THOC2: variants seen among roughly 807,000 people sequenced by gnomAD.
THOC2 encodes THO complex 2.
A neutral mutation model predicts 128.4 loss-of-function variants in THOC2; 10 were observed. That is an observed-to-expected ratio of 0.08 (90% CI 0.05 to 0.13). The LOEUF (loss-of-function observed/expected upper bound fraction) is 0.13, where lower values mean the gene tolerates loss of function less well. Among genes scored for constraint, THOC2 ranks in the 10% least tolerant of loss-of-function variants. The pLI is 1.00. For synonymous variants in THOC2, 393 were observed against 396.9 expected (o/e 0.99, Z 0.12); for missense variants, 535 against 1,155.7 (o/e 0.46, Z 7.79).
intron 29 of THOC2, 42 bp from the exon 30 acceptor site, chrX:123,622,902 T>A (rs2047137523): frequency 9.9e-7 from 1 of 1,009,728 alleles, no homozygotes; most frequent in Admixed American, 2.8e-5. Flanking sequence ...CCCCTAAATG[T>A]AAATAAGCTA....
intron 8 of THOC2, among the ~76,000 whole-genome samples, chrX:123,676,759 A>T (rs1218304761): frequency 1.8e-5 from 2 of 111,538 alleles, no homozygotes; most frequent in Non-Finnish European, 3.8e-5. Flanking sequence ...CATGTAGGTG[A>T]GCCTTCTACC....
chrX:123,723,286 T>G (rs1449075463), intron 1 of THOC2, among the ~76,000 whole-genome samples: 1 of 111,822 alleles, frequency 8.9e-6, no homozygotes, highest in African/African-American at 3.3e-5. Flanking sequence ...TACAAAAAAT[T>G]TAAGTCTGAC....
chrX:123,732,354 G>C (rs773026546), intron 1 of THOC2, among the ~76,000 whole-genome samples: 1 of 112,835 alleles, frequency 8.9e-6, no homozygotes, highest in East Asian at 2.8e-4. Context: ...TCCCCACGGC[G>C]CTACGCGAGG....
rs1260615338 is a variant in THOC2 at position 123,626,015 on chromosome X, C to T, written c.2954G>A (p.Arg985Gln). 8.3e-7 allele frequency: 1 copy of T among 1,201,778 alleles called. No individual in the cohort carries two copies. The highest frequency in any genetic ancestry group is 1.1e-6 in the Non-Finnish European group (1 of 888,894). The change falls in exon 25 of 39, where the codon CGA becomes CAA. Residue 985 changes from arginine (R) to glutamine (Q), a missense_variant. This residue lies in a region of THOC2 where 90 missense variants were observed against 298.6 expected (regional missense o/e 0.30). Transcript: ENST00000245838. ...TKFLQLCIFP[R>Q]CIFSAIDAVY... Reference sequence around the variant, plus strand: ...AGCATCAATTGCTGAAAAAATACATCGAGGAAATATACACAGCTGTAGAAA... The same window carrying T: ...AGCATCAATTGCTGAAAAAATACATTGAGGAAATATACACAGCTGTAGAAA...
At chrX:123,694,945 C>T (rs1325749043) in intron 7 of THOC2, among the ~76,000 whole-genome samples, 5 of 112,255 alleles carry the variant, frequency 4.5e-5, no homozygotes, top group African/African-American at 1.3e-4. Flanking sequence ...CTGGGCATAG[C>T]GAGACCCCGT....
intron 7 of THOC2, among the ~76,000 whole-genome samples, chrX:123,687,983 A>G (rs1335077103): frequency 8.9e-6 from 1 of 112,247 alleles, no homozygotes; most frequent in Non-Finnish European, 1.9e-5. Context: ...TATAAAAGTG[A>G]TTCGAAAATA....
intron 38 of THOC2, chrX:123,601,636 TTG>T (rs1175593675): frequency 1.8e-5 from 2 of 110,647 alleles, no homozygotes; most frequent in African/African-American, 6.6e-5. Flanking sequence ...GATGAAATAT[TTG>T]TGTGTTTCTT....
In THOC2 at chrX:123,668,296, A is replaced by G; in HGVS notation, c.880T>C (p.Cys294Arg). Residue 294 changes from cysteine to arginine, a missense_variant, in exon 10 of 39, where the codon TGC (cysteine) becomes CGC (arginine). Transcript: ENST00000245838. ...TCTCGTTTGTGTTCATCCATAATGCAATTATCAGCCGGAAGAAGCTAAAAA... is the reference window on the plus strand; with the variant it reads ...TCTCGTTTGTGTTCATCCATAATGCGATTATCAGCCGGAAGAAGCTAAAAA... ...LYVHLLPADNCIMDEHKREIA... is the reference protein window; with the variant it reads ...LYVHLLPADNRIMDEHKREIA... 8.4e-7 allele frequency: 1 copy of G among 1,187,786 alleles called. No homozygotes were observed. Among genetic ancestry groups the G allele is most frequent in the Admixed American group, 2.3e-5 (1 of 42,817 alleles).
chrX:123,730,291 G>A lies in THOC2; in HGVS notation c.71+2661C>T, dbSNP rs770258163. Among the ~76,000 whole-genome samples the A allele has an allele frequency of 3.7e-5, 4 of 109,461 alleles. No homozygotes were observed. In the South Asian group the frequency reaches 1.2e-3, roughly 33 times the overall value. ...CCTCCCAGATTCAAGCGATTCTCCC[G>A]CCTCAGCCTCCTGAGTAGCTGGGAT... On this transcript the variant is annotated intron_variant, in intron 1 of 38. Transcript: ENST00000245838.
At chrX:123,608,323 C>T (rs1374217740) in intron 38 of THOC2, among the ~76,000 whole-genome samples, 1 of 106,290 alleles carries the variant, frequency 9.4e-6, no homozygotes, top group African/African-American at 3.5e-5. Flanking sequence ...ATCGCTTGAA[C>T]CCGAGAGGTA....
intron 15 of THOC2, among the ~76,000 whole-genome samples, chrX:123,643,743 A>C (rs950866701): frequency 1.2e-4 from 13 of 110,468 alleles, no homozygotes; most frequent in Non-Finnish European, 2.1e-4. Context: ...AAAAAAAAAA[A>C]AAAACAACAA....
At chrX:123,711,958 T>TAAAAAA (rs55916247) in intron 2 of THOC2, among the ~76,000 whole-genome samples, 1 of 46,841 alleles carries the variant, frequency 2.1e-5, no homozygotes, top group African/African-American at 9.0e-5. Context: ...CTGTCTACTT[T>TAAAAAA]AAAAAAAAAA....
chrX:123,683,341 A>T (rs762931068), intron 8 of THOC2, among the ~76,000 whole-genome samples: 11 of 111,043 alleles, frequency 9.9e-5, no homozygotes, highest in African/African-American at 2.6e-4. Flanking sequence ...GCTGGTCAAC[A>T]TATGAGTTGG....
At chrX:123,702,922 A>G (rs980512892) in intron 4 of THOC2, among the ~76,000 whole-genome samples, 1 of 111,405 alleles carries the variant, frequency 9.0e-6, no homozygotes, top group Admixed American at 9.6e-5. Context: ...AGTCACAGAA[A>G]TACTCCTTTT....
At position 123,648,062 on chromosome X, in the gene THOC2, T is replaced by G. The variant is rs137875572; in HGVS notation, c.1387-2687A>C. ...CTCCGGTCTGCAGCTCCCAACAAGA[T>G]CAACGAAGAAGGTGAATGATTTCTG... On this transcript the variant is annotated intron_variant, in intron 12 of 38. Coordinates refer to ENST00000245838, the MANE Select transcript of THOC2 (RefSeq NM_001081550.2). Among the ~76,000 whole-genome samples the G allele has an allele frequency of 1.9e-3, 210 of 110,094 alleles. 1 individual carries two copies. Among genetic ancestry groups the G allele is most frequent in the African/African-American group, 6.7e-3 (204 of 30,319 alleles).
At chrX:123,730,430 G>A (rs2052191299) in intron 1 of THOC2, among the ~76,000 whole-genome samples, 2 of 109,859 alleles carry the variant, frequency 1.8e-5, no homozygotes, top group Admixed American at 1.9e-4. Context: ...CACCCGCCTC[G>A]GCCTCCCAAT....
chrX:123,661,207 C>T (rs972234966), intron 12 of THOC2, among the ~76,000 whole-genome samples: 15 of 111,597 alleles, frequency 1.3e-4, no homozygotes, highest in African/African-American at 4.9e-4. Context: ...GAGTTCGAGA[C>T]CAGCGTAGCA....
intron 1 of THOC2, among the ~76,000 whole-genome samples, chrX:123,716,069 TC>T (rs928854871): frequency 2.7e-5 from 3 of 111,093 alleles, no homozygotes; most frequent in Non-Finnish European, 5.7e-5. Flanking sequence ...GAAAAAATCC[TC>T]AACAAACACC....
At chrX:123,671,896 C>A in intron 8 of THOC2, 135 bp from the exon 9 acceptor site, 1 of 329,900 alleles carries the variant, frequency 3.0e-6, no homozygotes. Flanking sequence ...TCTTCCTTAT[C>A]TTACCAAATA....
Sources: gnomAD v4.1 joint callset for allele counts (sites outside exome capture counted in the v4.1 genomes callset) on GRCh38, gnomAD v4.1.1 for gene constraint, gnomAD v4.1.1 regional missense constraint, MANE v1.5 for transcripts, NCBI Gene and HGNC (gene_info 2026-07-23, HGNC 2026-07-21) for gene names.